Variants in DDAH1 observed in about 807,000 individuals in gnomAD.
DDAH1 encodes N(G),N(G)-dimethylarginine dimethylaminohydrolase 1.
A neutral mutation model predicts 28.8 loss-of-function variants in DDAH1; 19 were observed. That is an observed-to-expected ratio of 0.66 (90% CI 0.46 to 0.97). The LOEUF (loss-of-function observed/expected upper bound fraction) is 0.97. DDAH1 is among the 50% of genes least tolerant of loss of function. DDAH1 has a pLI of 0.00. For synonymous variants in DDAH1, 153 were observed against 154.4 expected (o/e 0.99, Z 0.07); for missense variants, 326 against 375.9 (o/e 0.87, Z 1.10).
chr1:85,393,929 C>T (rs1305652631), intron 1 of DDAH1, among the ~76,000 whole-genome samples: 2 of 152,108 alleles, frequency 1.3e-5, no homozygotes, highest in Non-Finnish European at 2.9e-5. Context: ...AATAGAGAAT[C>T]TTATAAAAGC....
intron 1 of DDAH1, among the ~76,000 whole-genome samples, chr1:85,432,262 C>T (rs1396421242): frequency 6.6e-6 from 1 of 152,112 alleles, no homozygotes; most frequent in Non-Finnish European, 1.5e-5. Context: ...GTGGCCTCTT[C>T]ATCTCCCATT....
chr1:85,321,955 C>T (rs1015744552), intron 5 of DDAH1, among the ~76,000 whole-genome samples: 39 of 152,150 alleles, frequency 2.6e-4, no homozygotes, highest in African/African-American at 9.2e-4. Flanking sequence ...GCTCTGTCGT[C>T]CAGGTTGGTG....
intron 1 of DDAH1, among the ~76,000 whole-genome samples, chr1:85,569,690 CT>C (rs1171676028): frequency 6.6e-6 from 1 of 152,196 alleles, no homozygotes; most frequent in Non-Finnish European, 1.5e-5. Flanking sequence ...CACGCTGGCC[CT>C]TTCTAGTTGC....
At chr1:85,507,537 A>AACAAACAAACAC (rs1657061952) in intron 1 of DDAH1, among the ~76,000 whole-genome samples, 1 of 152,012 alleles carries the variant, frequency 6.6e-6, no homozygotes. Context: ...TAAACAAACA[A>AACAAACAAACAC]ACAGCATCTC....
chr1:85,573,809 T>A (rs1405703406), intron 1 of DDAH1, among the ~76,000 whole-genome samples: 1 of 152,224 alleles, frequency 6.6e-6, no homozygotes, highest in Non-Finnish European at 1.5e-5. Flanking sequence ...AAGAGGTAAG[T>A]AGCAGCCCTG....
intron 2 of DDAH1, among the ~76,000 whole-genome samples, chr1:85,470,255 T>C (rs1655573424): frequency 6.6e-6 from 1 of 152,204 alleles, no homozygotes; most frequent in African/African-American, 2.4e-5. Flanking sequence ...CTTACAATCA[T>C]GGTGGAAGGC....
intron 4 of DDAH1, among the ~76,000 whole-genome samples, chr1:85,339,657 G>A (rs1286642658): frequency 6.6e-6 from 1 of 152,056 alleles, no homozygotes; most frequent in African/African-American, 2.4e-5. Flanking sequence ...GTCATGTAGT[G>A]GGGAAGTTTT....
intron 1 of DDAH1, among the ~76,000 whole-genome samples, chr1:85,516,074 T>G (rs57437394): frequency 6.6e-6 from 1 of 151,802 alleles, no homozygotes; most frequent in African/African-American, 2.4e-5. Context: ...GCAACAGTCA[T>G]AGTGAATTAG....
chr1:85,454,947 A>T (rs1300145750), intron 1 of DDAH1, among the ~76,000 whole-genome samples: 1 of 152,236 alleles, frequency 6.6e-6, no homozygotes, highest in African/African-American at 2.4e-5. Flanking sequence ...TGAAGAAATC[A>T]ATAACCTTTC....
chr1:85,357,414 T>G (rs570465356), intron 2 of DDAH1, among the ~76,000 whole-genome samples: 133 of 152,328 alleles, frequency 8.7e-4, no homozygotes, highest in African/African-American at 3.0e-3. Context: ...ATAGCGACAG[T>G]ATGTGACACT....
chr1:85,573,689 C>T (rs1659520699), intron 1 of DDAH1, among the ~76,000 whole-genome samples: 1 of 152,190 alleles, frequency 6.6e-6, no homozygotes, highest in Non-Finnish European at 1.5e-5. Context: ...ATCATCAATT[C>T]AGGGGGACAG....
At chr1:85,499,759 C>T (rs1009961280) in intron 1 of DDAH1, among the ~76,000 whole-genome samples, 1 of 151,708 alleles carries the variant, frequency 6.6e-6, no homozygotes, top group African/African-American at 2.4e-5. Flanking sequence ...CAGAAGTGGA[C>T]CAGATCCCAG....
rs1661242842 is a variant in DDAH1 at position 85,319,718 on chromosome 1, T to C, written c.*1734A>G. 2 of 152,226 alleles carry C rather than the reference T, an allele frequency of 1.3e-5. 1 individual carries two copies. Among genetic ancestry groups the C allele is most frequent in the South Asian group, 4.1e-4 (2 of 4,836 alleles). 9.4% of individuals were successfully genotyped at this position (152,226 alleles called of 1,614,324 possible). A position where few individuals can be genotyped will look rare whatever the true frequency, so the allele number is the denominator to read the frequency against. On this transcript the variant is annotated 3_prime_UTR_variant, in exon 6 of 6. Transcript: ENST00000284031. ...TGGTTTATTCACAGGATGCACATAA[T>C]TGGATATCTGCATATGGCATGAATT...
chr1:85,482,091 G>T (rs1166385017), intron 2 of DDAH1, among the ~76,000 whole-genome samples: 2 of 152,160 alleles, frequency 1.3e-5, no homozygotes, highest in Non-Finnish European at 2.9e-5. Context: ...GCTTCGTAAG[G>T]TTCTTTCCAA....
At chr1:85,481,898 A>G (rs1347966600) in intron 2 of DDAH1, among the ~76,000 whole-genome samples, 1 of 152,150 alleles carries the variant, frequency 6.6e-6, no homozygotes, top group African/African-American at 2.4e-5. Flanking sequence ...CTGCAGCCAT[A>G]CAGTCTGGCC....
chr1:85,526,133 A>G (rs1657863654), intron 1 of DDAH1, among the ~76,000 whole-genome samples: 2 of 152,204 alleles, frequency 1.3e-5, no homozygotes, highest in Non-Finnish European at 2.9e-5. Flanking sequence ...GGACATGGAA[A>G]TGTAAGTGTC....
intron 1 of DDAH1, among the ~76,000 whole-genome samples, chr1:85,389,140 G>A (rs1239279618): frequency 6.6e-6 from 1 of 151,976 alleles, no homozygotes; most frequent in Non-Finnish European, 1.5e-5. Context: ...CCAGGAGTTC[G>A]AGATCAGCCT....
At chr1:85,510,523 C>T (rs1657185972) in intron 1 of DDAH1, among the ~76,000 whole-genome samples, 2 of 152,092 alleles carry the variant, frequency 1.3e-5, no homozygotes. Flanking sequence ...TGTAAATGGA[C>T]TAAATGCCCC....
intron 1 of DDAH1, among the ~76,000 whole-genome samples, chr1:85,572,747 C>T (rs1369466216): frequency 6.6e-6 from 1 of 152,216 alleles, no homozygotes; most frequent in Non-Finnish European, 1.5e-5. Context: ...CACTCCTGAG[C>T]TGGTGCAATC....
Sources: gnomAD v4.1 joint callset for allele counts (sites outside exome capture counted in the v4.1 genomes callset) on GRCh38, gnomAD v4.1.1 for gene constraint, MANE v1.5 for transcripts, NCBI Gene and HGNC (gene_info 2026-07-23, HGNC 2026-07-21) for gene names.